The following GPC6 variants were observed in gnomAD, a reference collection of about 807,000 sequenced individuals.
GPC6 encodes glypican 6, also known as glypican-6.
Under a neutral mutation model 55.2 loss-of-function variants are expected in GPC6, and 14 were observed. The observed-to-expected ratio is 0.25, with a 90% CI of 0.17 to 0.40. The LOEUF (loss-of-function observed/expected upper bound fraction) is 0.40, where lower values mean the gene tolerates loss of function less well. Among genes scored for constraint, GPC6 ranks in the 10% least tolerant of loss-of-function variants. The pLI is 1.00. For synonymous variants in GPC6, 278 were observed against 259.6 expected, an observed-to-expected ratio of 1.07 and a Z score of -0.68; for missense variants, 641 against 708.5, an observed-to-expected ratio of 0.90 and a Z score of 1.08.
intron 1 of GPC6, among the ~76,000 whole-genome samples, chr13:93,524,016 A>AG (rs925283803): frequency 1.3e-5 from 2 of 151,904 alleles, no homozygotes; most frequent in Non-Finnish European, 2.9e-5. Flanking sequence ...GTGGAAAGAG[A>AG]GGGGGGAAAG....
chr13:94,051,528 C>T (rs775045271), intron 4 of GPC6, among the ~76,000 whole-genome samples: 22 of 152,164 alleles, frequency 1.4e-4, no homozygotes, highest in Non-Finnish European at 2.6e-4. Flanking sequence ...GAGCACTTTA[C>T]GAGAGTATGT....
At chr13:94,119,911 G>A (rs1427982597) in intron 4 of GPC6, among the ~76,000 whole-genome samples, 3 of 152,044 alleles carry the variant, frequency 2.0e-5, no homozygotes, top group Non-Finnish European at 4.4e-5. Flanking sequence ...GAGCTGGGAA[G>A]GGAAGTGCAG....
intron 4 of GPC6, among the ~76,000 whole-genome samples, chr13:94,179,757 T>G (rs988852425): frequency 2.0e-5 from 3 of 152,344 alleles, no homozygotes; most frequent in Admixed American, 6.5e-5. Flanking sequence ...AACTCTTTCC[T>G]GGGAGGTAAT....
At chr13:93,595,315 G>T (rs1026415537) in intron 2 of GPC6, among the ~76,000 whole-genome samples, 1 of 152,128 alleles carries the variant, frequency 6.6e-6, no homozygotes, top group Non-Finnish European at 1.5e-5. Context: ...ATCCTATGTG[G>T]TGAATTGATC....
rs577315118 is a variant in GPC6, at chr13:94,128,500, T to C, written c.877+100606T>C. On this transcript the variant is annotated intron_variant, in intron 4 of 8. Transcript: ENST00000377047. ...GAGTCAGGTGGGGACGCTACACTTGTGTCCTCACTTTGGATCCTAGGTGAC... is the reference window on the plus strand; with the variant it reads ...GAGTCAGGTGGGGACGCTACACTTGCGTCCTCACTTTGGATCCTAGGTGAC... Among the ~76,000 whole-genome samples, 190 of 152,302 alleles carry C rather than the reference T, an allele frequency of 1.2e-3. 1 individual carries two copies. Among genetic ancestry groups the C allele is most frequent in the Non-Finnish European group, 2.1e-3 (141 of 68,020 alleles).
intron 1 of GPC6, among the ~76,000 whole-genome samples, chr13:93,232,673 A>C (rs1482825533): frequency 2.0e-5 from 3 of 152,166 alleles, no homozygotes; most frequent in Non-Finnish European, 4.4e-5. Flanking sequence ...TATGTTCTTT[A>C]AGTATTATGG....
chr13:94,079,478 A>G (rs1225505759), intron 4 of GPC6, among the ~76,000 whole-genome samples: 1 of 152,126 alleles, frequency 6.6e-6, no homozygotes, highest in African/African-American at 2.4e-5. Flanking sequence ...ATATCCATCA[A>G]TGTTTGTAGA....
In GPC6 at chr13:93,952,923, G is replaced by GTA. The variant is rs982579470; in HGVS notation, c.712-74797_712-74796dup. ...CGTGTATATATGTATATATATACAC[G>GTA]TATATATATAGTCCTTGAAACCGTT... is the stretch of plus-strand genomic sequence containing the variant. On this transcript the variant is annotated intron_variant, in intron 3 of 8. Transcript: ENST00000377047. 5.5e-5 allele frequency among the ~76,000 whole-genome samples: 8 copies of GTA among 146,752 alleles called. No individual in the cohort carries two copies. The South Asian group carries it at 6.4e-4, about 12-fold the overall frequency.
At chr13:94,272,520 G>C (rs532182661) in intron 4 of GPC6, among the ~76,000 whole-genome samples, 3 of 135,312 alleles carry the variant, frequency 2.2e-5, no homozygotes, top group African/African-American at 5.7e-5. Context: ...CCAGGCTGGA[G>C]TGCAGTGGTG....
At chr13:94,100,465 G>T (rs571407278) in intron 4 of GPC6, among the ~76,000 whole-genome samples, 2 of 152,278 alleles carry the variant, frequency 1.3e-5, no homozygotes, top group South Asian at 4.1e-4. Context: ...ATAGATATTA[G>T]GTTCTGCATG....
intron 6 of GPC6, among the ~76,000 whole-genome samples, chr13:94,339,989 C>G (rs1027254994): frequency 6.6e-6 from 1 of 151,920 alleles, no homozygotes; most frequent in Admixed American, 6.6e-5. Context: ...TCTCAAACTC[C>G]CGATCTCAGG....
chr13:94,244,012 A>G (rs1234128697), intron 4 of GPC6, among the ~76,000 whole-genome samples: 1 of 152,176 alleles, frequency 6.6e-6, no homozygotes, highest in Non-Finnish European at 1.5e-5. Flanking sequence ...AAAAAGTAAA[A>G]GCACTTATTA....
intron 3 of GPC6, among the ~76,000 whole-genome samples, chr13:93,893,680 T>A (rs1415378547): frequency 6.6e-6 from 1 of 152,190 alleles, no homozygotes; most frequent in East Asian, 1.9e-4. Flanking sequence ...TTGAAGTCAG[T>A]TTCAGGTGGA....
intron 6 of GPC6, among the ~76,000 whole-genome samples, chr13:94,368,893 A>G (rs1046422826): frequency 6.6e-6 from 1 of 152,198 alleles, no homozygotes; most frequent in African/African-American, 2.4e-5. Flanking sequence ...CACTGTCTCC[A>G]AAACTGGATT....
intron 1 of GPC6, among the ~76,000 whole-genome samples, chr13:93,520,379 C>T (rs1400548587): frequency 1.3e-5 from 2 of 151,720 alleles, no homozygotes; most frequent in African/African-American, 2.4e-5. Context: ...AATTCTTTGC[C>T]AGGTGACAAA....
At chr13:93,569,611 T>C (rs1876300475) in intron 2 of GPC6, among the ~76,000 whole-genome samples, 1 of 152,022 alleles carries the variant, frequency 6.6e-6, no homozygotes, top group Non-Finnish European at 1.5e-5. Context: ...TCCTAGGATC[T>C]AGCAATTTGT....
At chr13:94,005,669 T>C (rs1235667943) in intron 3 of GPC6, among the ~76,000 whole-genome samples, 1 of 152,196 alleles carries the variant, frequency 6.6e-6, no homozygotes, top group Non-Finnish European at 1.5e-5. Flanking sequence ...TCTGTATTTT[T>C]TGCAGTGAGA....
intron 4 of GPC6, among the ~76,000 whole-genome samples, chr13:94,208,985 TAAC>T (rs924929775): frequency 6.6e-5 from 10 of 152,078 alleles, no homozygotes; most frequent in Admixed American, 2.6e-4. Flanking sequence ...TTTATTAAGA[TAAC>T]ATCATAATTG....
intron 4 of GPC6, among the ~76,000 whole-genome samples, chr13:94,055,468 A>G (rs1884099352): frequency 6.6e-6 from 1 of 152,224 alleles, no homozygotes; most frequent in South Asian, 2.1e-4. Context: ...ATCTACTATT[A>G]TAATAAAATG....
Sources: allele counts gnomAD v4.1 joint callset (sites outside exome capture counted in the v4.1 genomes callset), GRCh38; gene constraint gnomAD v4.1.1; transcripts MANE v1.5; gene names NCBI Gene and HGNC (gene_info 2026-07-23, HGNC 2026-07-21).